FIP1L1: variants seen among roughly 807,000 people sequenced by gnomAD.
The protein encoded by FIP1L1 is factor interacting with PAPOLA and CPSF1.
A neutral mutation model predicts 84.6 loss-of-function variants in FIP1L1; 21 were observed. That is an observed-to-expected ratio of 0.25 (90% confidence interval 0.18 to 0.36). The LOEUF is 0.36. Among genes scored for constraint, FIP1L1 ranks in the 10% least tolerant of loss-of-function variants. The pLI is 1.00. For missense variants in FIP1L1, 526 were observed against 751.1 expected (o/e 0.70, Z 3.50); for synonymous variants, 263 against 242.3 (o/e 1.09, Z -0.80).
intron 5 of FIP1L1, among the ~76,000 whole-genome samples, chr4:53,386,337 A>T (rs1578150199): frequency 6.6e-6 from 1 of 152,136 alleles, no homozygotes; most frequent in Non-Finnish European, 1.5e-5. Context: ...TAAAATCACC[A>T]TGAAATTTCA....
At chr4:53,391,287 C>A in intron 8 of FIP1L1, 143 bp from the exon 9 acceptor site, 1 of 1,186,110 alleles carries the variant, frequency 8.4e-7, no homozygotes, top group Non-Finnish European at 1.2e-6. Flanking sequence ...TTTCCCTTCC[C>A]TCCCTTTTAG....
intron 16 of FIP1L1, among the ~76,000 whole-genome samples, chr4:53,457,111 ACT>A (rs2150463382): frequency 6.6e-6 from 1 of 152,246 alleles, no homozygotes; most frequent in African/African-American, 2.4e-5. Context: ...TTGAGTGCCT[ACT>A]CTCATACCAA....
chr4:53,422,910 C>G (rs1234028440), intron 11 of FIP1L1, among the ~76,000 whole-genome samples: 2 of 152,076 alleles, frequency 1.3e-5, no homozygotes, highest in Non-Finnish European at 2.9e-5. Context: ...GACACAAAGT[C>G]TCGCCATGTT....
intron 10 of FIP1L1, among the ~76,000 whole-genome samples, chr4:53,406,131 T>A (rs1196337136): frequency 1.3e-5 from 2 of 152,236 alleles, no homozygotes; most frequent in Non-Finnish European, 2.9e-5. Context: ...TTCAGTTTGA[T>A]ATTGGCTGTG....
chr4:53,400,741 T>A (rs1749784615), intron 10 of FIP1L1, among the ~76,000 whole-genome samples: 1 of 152,208 alleles, frequency 6.6e-6, no homozygotes, highest in Admixed American at 6.5e-5. Context: ...TTAAATGGCA[T>A]AAAGTGATCC....
intron 10 of FIP1L1, 53 bp from the exon 11 acceptor site, chr4:53,414,562 G>A: frequency 2.5e-6 from 3 of 1,224,196 alleles, no homozygotes; most frequent in East Asian, 2.4e-5. Context: ...CAGAACAAGG[G>A]GGGTCAGAGA....
intron 14 of FIP1L1, among the ~76,000 whole-genome samples, chr4:53,443,445 G>A (rs1772867805): frequency 6.6e-6 from 1 of 151,990 alleles, no homozygotes; most frequent in Non-Finnish European, 1.5e-5. Flanking sequence ...CTCTTAAGTG[G>A]CAAATAAACT....
Position 53,391,425 on chromosome 4 carries a change from C to T in FIP1L1, c.637-5C>T. The stretch of plus-strand genomic sequence containing the variant: ...TCTTAATGGGGAATATGTTATTTAA[C>T]TTAGGCCGAAGACTGTACTATGGAA... On this transcript the variant is annotated splice_region_variant and splice_polypyrimidine_tract_variant and intron_variant, in intron 8 of 17. Transcript: ENST00000337488. 1 of 1,610,758 alleles carries T rather than the reference C, an allele frequency of 6.2e-7. No homozygotes were observed.
intron 3 of FIP1L1, among the ~76,000 whole-genome samples, chr4:53,381,119 C>A (rs1365285448): frequency 6.7e-6 from 1 of 149,936 alleles, no homozygotes; most frequent in Non-Finnish European, 1.5e-5. Context: ...AAAACAATTT[C>A]CTTTACAGTG....
intron 12 of FIP1L1, 34 bp downstream of exon 12, chr4:53,425,999 C>T (rs1560549095): frequency 7.1e-7 from 1 of 1,416,908 alleles, no homozygotes; most frequent in Non-Finnish European, 9.9e-7. Context: ...TTTTCTTTAA[C>T]TGAAGGATGA....
intron 11 of FIP1L1, among the ~76,000 whole-genome samples, chr4:53,420,616 TAATA>T (rs1762030912): frequency 6.6e-6 from 1 of 152,146 alleles, no homozygotes; most frequent in South Asian, 2.1e-4. Flanking sequence ...GATTTTTCAT[TAATA>T]AATTGTTACT....
chr4:53,418,728 T>C (rs1760908664), intron 11 of FIP1L1, among the ~76,000 whole-genome samples: 1 of 152,250 alleles, frequency 6.6e-6, no homozygotes, highest in Non-Finnish European at 1.5e-5. Flanking sequence ...GCTTTTTAAC[T>C]GATTCATACT....
chr4:53,392,143 A>G (rs530660345), intron 9 of FIP1L1, among the ~76,000 whole-genome samples: 1 of 152,376 alleles, frequency 6.6e-6, no homozygotes, highest in African/African-American at 2.4e-5. Context: ...GACCCAGTCC[A>G]AAGAATAATA....
rs532617643 is a variant in FIP1L1 at position 53,423,671 on chromosome 4, A to C, written c.924-2201A>C. Among the ~76,000 whole-genome samples, 8 of 152,306 alleles carry C rather than the reference A, an allele frequency of 5.3e-5. No homozygotes were observed. In the South Asian group the frequency reaches 1.7e-3, roughly 32 times the overall value. On this transcript the variant is annotated intron_variant, in intron 11 of 17. Transcript: ENST00000337488. ...TTAAAGTAAATCAGTTTATGTGGTTAAAAAATACGGGCACAAGGAGATGTT... is the reference window on the plus strand; with the variant it reads ...TTAAAGTAAATCAGTTTATGTGGTTCAAAAATACGGGCACAAGGAGATGTT...
intron 13 of FIP1L1, among the ~76,000 whole-genome samples, chr4:53,432,676 T>C (rs967814412): frequency 7.2e-5 from 11 of 152,210 alleles, no homozygotes; most frequent in African/African-American, 2.4e-4. Flanking sequence ...ATATCTGAAG[T>C]AGATGATATT....
At chr4:53,419,250 G>C (rs1414781134) in intron 11 of FIP1L1, among the ~76,000 whole-genome samples, 2 of 151,816 alleles carry the variant, frequency 1.3e-5, no homozygotes, top group Non-Finnish European at 2.9e-5. Flanking sequence ...TTTTTGTTTT[G>C]TTTTAAATAG....
chr4:53,378,033 G>A, intron 1 of FIP1L1, 110 bp downstream of exon 1: 1 of 1,026,986 alleles, frequency 9.7e-7, no homozygotes, highest in Non-Finnish European at 1.4e-6. Context: ...CCTCTGGTTG[G>A]GAGTCCTGTC....
chr4:53,449,010 A>G (rs532536044), intron 15 of FIP1L1, among the ~76,000 whole-genome samples: 15 of 151,852 alleles, frequency 9.9e-5, no homozygotes, highest in Non-Finnish European at 2.1e-4. Flanking sequence ...CTGAACTCTC[A>G]CTATAATTTG....
At chr4:53,379,149 C>T (rs1560477522) in intron 2 of FIP1L1, 32 bp downstream of exon 2, 2 of 1,612,320 alleles carry the variant, frequency 1.2e-6, no homozygotes, top group Non-Finnish European at 1.7e-6. Flanking sequence ...TTCAGATTTT[C>T]ATAATACTAG....
Sources: allele counts gnomAD v4.1 joint callset (sites outside exome capture counted in the v4.1 genomes callset), GRCh38; gene constraint gnomAD v4.1.1; transcripts MANE v1.5; gene names NCBI Gene and HGNC (gene_info 2026-07-23, HGNC 2026-07-21).